SUSD1: variants seen among roughly 807,000 people sequenced by gnomAD.
SUSD1 encodes sushi domain-containing protein 1.
SUSD1 carries 65 observed loss-of-function variants against 86.9 expected under a neutral mutation model. That is an observed-to-expected ratio of 0.75 (90% CI 0.61 to 0.92). The LOEUF is 0.92. SUSD1 is among the 40% of genes least tolerant of loss of function. The pLI is 0.00. For missense variants in SUSD1, 850 were observed against 929.7 expected (o/e 0.91, Z 1.11); for synonymous variants, 346 against 350.0 (o/e 0.99, Z 0.13).
intron 5 of SUSD1, among the ~76,000 whole-genome samples, chr9:112,124,931 C>T (rs557707023): frequency 1.3e-5 from 2 of 152,126 alleles, no homozygotes; most frequent in Admixed American, 6.5e-5. Flanking sequence ...GAGACAAACC[C>T]GGAATTACAA....
intron 7 of SUSD1, 187 bp from the exon 8 acceptor site, chr9:112,112,027 G>A (rs950118652): frequency 4.8e-5 from 26 of 544,740 alleles, no homozygotes; most frequent in Non-Finnish European, 7.3e-5. Context: ...ACCCCTAGAG[G>A]AGACATAAAT....
chr9:112,148,733 G>A (rs781952), intron 3 of SUSD1, among the ~76,000 whole-genome samples: 24,239 of 151,792 alleles, frequency 0.16, 2,334 homozygotes, highest in East Asian at 0.42. Context: ...GGGCAAAACC[G>A]CATCTCTACC....
chr9:112,170,831 T>A (rs537538366), intron 1 of SUSD1, among the ~76,000 whole-genome samples: 3 of 151,948 alleles, frequency 2.0e-5, no homozygotes, highest in Non-Finnish European at 2.9e-5. Context: ...TGCCTCAGCC[T>A]CTGGAGTAGC....
chr9:112,117,378 C>A (rs2131666631), intron 6 of SUSD1, among the ~76,000 whole-genome samples: 1 of 152,256 alleles, frequency 6.6e-6, no homozygotes, highest in East Asian at 1.9e-4. Context: ...CCTCAGCCTG[C>A]CCAGTTGTAG....
intron 10 of SUSD1, among the ~76,000 whole-genome samples, chr9:112,082,545 T>C (rs1275608648): frequency 6.6e-6 from 1 of 152,064 alleles, no homozygotes; most frequent in East Asian, 1.9e-4. Flanking sequence ...CCAAGGAGTA[T>C]AGGCAGGATC....
chr9:112,118,793 A>G (rs1240250084), intron 6 of SUSD1, among the ~76,000 whole-genome samples: 1 of 152,146 alleles, frequency 6.6e-6, no homozygotes, highest in Non-Finnish European at 1.5e-5. Context: ...CCAGGAATAC[A>G]TTTTTATCTG....
In SUSD1 at chr9:112,149,389, C is replaced by G; in HGVS notation, c.228G>C (p.Glu76Asp). The change falls in exon 3 of 17, where the codon GAG (glutamate) becomes GAC (aspartate). Residue 76 changes from glutamate to aspartate, a missense_variant. By Grantham distance (45) the Glu-to-Asp change is conservative (BLOSUM62 2). Coordinates refer to ENST00000374270, the MANE Select transcript of SUSD1 (RefSeq NM_022486.5). The stretch of plus-strand genomic sequence containing the variant: ...AGACAAGAGTGGCTCCAAACTGGCA[C>G]TCATTTTTATCTGTTGACACACAGA... ...NGRTQCVDKN[E>D]CQFGATLVCG... 1 of 1,614,060 alleles carries G rather than the reference C, an allele frequency of 6.2e-7. No individual in the cohort carries two copies. The highest frequency in any genetic ancestry group is 8.5e-7 in the Non-Finnish European group (1 of 1,180,004).
At chr9:112,052,508 G>T (rs1014755431) in intron 14 of SUSD1, 70 bp from the exon 15 acceptor site, 60 of 1,566,584 alleles carry the variant, frequency 3.8e-5, no homozygotes, top group Non-Finnish European at 5.2e-5. Context: ...TAGTTTGGAG[G>T]CTGAAGCCCT....
chr9:112,157,804 G>A (rs961696815), intron 1 of SUSD1, among the ~76,000 whole-genome samples, 191 bp from the exon 2 acceptor site: 1 of 150,654 alleles, frequency 6.6e-6, no homozygotes, highest in Non-Finnish European at 1.5e-5. Context: ...TCCTCTGTGT[G>A]GCAATGTCTT....
intron 5 of SUSD1, among the ~76,000 whole-genome samples, chr9:112,130,675 C>G (rs150930482): frequency 6.6e-6 from 1 of 151,832 alleles, no homozygotes; most frequent in Non-Finnish European, 1.5e-5. Flanking sequence ...TTGAAATACT[C>G]CCAAACACAA....
At chr9:112,077,129 G>T (rs1240435192) in intron 12 of SUSD1, among the ~76,000 whole-genome samples, 1 of 152,088 alleles carries the variant, frequency 6.6e-6, no homozygotes, top group East Asian at 1.9e-4. Context: ...TCACAAGGAG[G>T]ATGTTGCAAC....
intron 1 of SUSD1, among the ~76,000 whole-genome samples, chr9:112,165,942 G>GAAGAAAAGAAAGAAAGA (rs1833794595): frequency 1.4e-5 from 1 of 71,912 alleles, no homozygotes; most frequent in African/African-American, 5.5e-5. Flanking sequence ...AAGAAAGAAA[G>GAAGAAAAGAAAGAAAGA]AAGAAAGAAA....
intron 13 of SUSD1, among the ~76,000 whole-genome samples, chr9:112,059,031 A>G (rs547305578): frequency 1.3e-5 from 2 of 152,258 alleles, no homozygotes; most frequent in Non-Finnish European, 2.9e-5. Context: ...TGACCTCATG[A>G]TCCACCCGCC....
chr9:112,086,056 T>A (rs992176013), intron 10 of SUSD1, among the ~76,000 whole-genome samples: 3 of 152,214 alleles, frequency 2.0e-5, no homozygotes, highest in Non-Finnish European at 2.9e-5. Context: ...GTAATCCCAA[T>A]ACTTTGAGAG....
chr9:112,083,752 T>C (rs961323670), intron 10 of SUSD1, among the ~76,000 whole-genome samples: 6 of 152,316 alleles, frequency 3.9e-5, no homozygotes, highest in Middle Eastern at 6.8e-3. Context: ...CATAATAACA[T>C]CCTATGTGCT....
chr9:112,153,612 CTTT>C (rs373913503), intron 2 of SUSD1, among the ~76,000 whole-genome samples: 3 of 130,610 alleles, frequency 2.3e-5, no homozygotes, highest in African/African-American at 2.9e-5. Context: ...ACATACTATA[CTTT>C]TTTTTTTTTT....
intron 10 of SUSD1, among the ~76,000 whole-genome samples, chr9:112,086,842 C>CA (rs573461674): frequency 1.4e-5 from 2 of 148,094 alleles, no homozygotes; most frequent in African/African-American, 2.6e-5. Flanking sequence ...AACAAACAAA[C>CA]AAAAAAAACC....
chr9:112,169,240 C>T (rs973864032), intron 1 of SUSD1: 1 of 152,044 alleles, frequency 6.6e-6, no homozygotes, highest in African/African-American at 2.4e-5. Flanking sequence ...TTTCCCACAC[C>T]CACCCAAATT....
At chr9:112,103,724 C>G (rs1021899567) in intron 8 of SUSD1, among the ~76,000 whole-genome samples, 1 of 152,122 alleles carries the variant, frequency 6.6e-6, no homozygotes. Context: ...ATACACAAGG[C>G]GGAAACATGA....
Sources: gnomAD v4.1 joint callset for allele counts (sites outside exome capture counted in the v4.1 genomes callset) on GRCh38, gnomAD v4.1.1 for gene constraint, MANE v1.5 for transcripts, NCBI Gene and HGNC (gene_info 2026-07-23, HGNC 2026-07-21) for gene names.